Variants in NUP98 observed in about 807,000 individuals in gnomAD.
NUP98 encodes nucleoporin 98 and 96 precursor, also known as nuclear pore complex protein Nup98-Nup96.
Under a neutral mutation model 191.9 loss-of-function variants are expected in NUP98, and 26 were observed. The observed-to-expected ratio is 0.14, with a 90% CI of 0.10 to 0.19. The LOEUF is 0.19. NUP98 is among the 10% of genes least tolerant of loss of function. The pLI, the probability that NUP98 is intolerant of heterozygous loss-of-function variation, is 1.00. For synonymous variants in NUP98, 808 were observed against 778.4 expected (o/e 1.04, Z -0.63); for missense variants, 1,941 against 2,178.8 (o/e 0.89, Z 2.17).
At chr11:3,770,244 G>A (rs1424119949) in intron 7 of NUP98, among the ~76,000 whole-genome samples, 1 of 152,150 alleles carries the variant, frequency 6.6e-6, no homozygotes, top group Non-Finnish European at 1.5e-5. Context: ...TCCTTGGGAG[G>A]CTGAGGCAGA....
chr11:3,749,030 C>T (rs1168463985), intron 11 of NUP98, among the ~76,000 whole-genome samples: 6 of 151,902 alleles, frequency 3.9e-5, no homozygotes, highest in Admixed American at 6.6e-5. Flanking sequence ...TTAAGAGGGC[C>T]GGGCGCGGTG....
intron 10 of NUP98, among the ~76,000 whole-genome samples, chr11:3,754,077 T>C (rs1006539248): frequency 3.3e-5 from 5 of 152,184 alleles, no homozygotes; most frequent in Non-Finnish European, 7.3e-5. Context: ...AAGCTTTCAA[T>C]GCAAGTTTCA....
At chr11:3,692,909 T>C (rs1564810769) in intron 27 of NUP98, 1 of 211,372 alleles carries the variant, frequency 4.7e-6, no homozygotes, top group Non-Finnish European at 9.3e-6. Context: ...TAAAATATTA[T>C]ATTTAGAGGC....
rs913407667 is a variant in NUP98, at chr11:3,773,369, T to G, written c.603+263A>C. On this transcript the variant is annotated intron_variant, in intron 6 of 32. Coordinates refer to ENST00000324932, the MANE Select transcript of NUP98 (RefSeq NM_016320.5). ...GTGATTGTGTCACTGCATTCCAGCC[T>G]GGGCAAAAAAGCCCATCTCAAAAAA... Among the ~76,000 whole-genome samples the G allele has an allele frequency of 8.0e-5, 12 of 150,434 alleles. No homozygotes were observed. The East Asian group carries it at 2.1e-3, about 27-fold the overall frequency.
intron 23 of NUP98, 47 bp downstream of exon 23, chr11:3,702,416 A>G: frequency 6.5e-7 from 1 of 1,534,624 alleles, no homozygotes; most frequent in East Asian, 2.3e-5. Flanking sequence ...AGTTTTTTTC[A>G]CCTATCATGT....
At chr11:3,741,065 G>A (rs921898666) in intron 12 of NUP98, among the ~76,000 whole-genome samples, 241 of 151,084 alleles carry the variant, frequency 1.6e-3, no homozygotes, top group African/African-American at 5.0e-3. Flanking sequence ...CAAGCAATCC[G>A]CCTGCCTCAG....
Position 3,702,721 on chromosome 11 carries a change from G to T in NUP98, c.3254C>A (p.Pro1085His), listed in dbSNP as rs201649853. 1.2e-6 allele frequency: 2 copies of T among 1,614,190 alleles called. No homozygotes were observed. Among genetic ancestry groups the T allele is most frequent in the African/African-American group, 1.3e-5 (1 of 75,044 alleles). Residue 1085 changes from proline (P) to histidine (H), a missense_variant, in exon 23 of 33, where the codon CCT (proline) becomes CAT (histidine). By Grantham distance (77) the Pro-to-His change is moderately conservative. Transcript: ENST00000324932. ...ACCCACTGTTTTCAACGGAACCTCA[G>T]GGGCTGGGCTGGGCATTGTGAACAC... ...TSVFTMPSPAPEVPLKTVGTR... is the reference protein window; with the variant it reads ...TSVFTMPSPAHEVPLKTVGTR...
intron 2 of NUP98, among the ~76,000 whole-genome samples, chr11:3,780,565 A>C (rs1186528873): frequency 1.3e-5 from 2 of 150,494 alleles, no homozygotes; most frequent in Admixed American, 1.3e-4. Flanking sequence ...AAAAAAAAGA[A>C]AAAGAAAAAG....
intron 9 of NUP98, among the ~76,000 whole-genome samples, chr11:3,762,399 G>T (rs2081205259): frequency 6.6e-6 from 1 of 152,024 alleles, no homozygotes. Context: ...TGGGATTACA[G>T]GCGTGAGCCA....
rs996082797 is a variant in NUP98 at position 3,693,314 on chromosome 11, G to C, written c.4229C>G (p.Ser1410Cys). ...NVCSQLDWKR[S>C]LAIHLWYLLP... is the part of the protein sequence containing the mutation. ...CAAATACCAAAGATGGATAGCCAGGGAGCGTTTCCAATCCAACTGGGAGCA... is the reference window on the plus strand; with the variant it reads ...CAAATACCAAAGATGGATAGCCAGGCAGCGTTTCCAATCCAACTGGGAGCA... The change falls in exon 27 of 33, where the codon TCC (serine) becomes TGC (cysteine). Residue 1410 changes from serine to cysteine, a missense_variant. By Grantham distance (112) the Ser-to-Cys change is moderately radical. Transcript: ENST00000324932. The C allele has an allele frequency of 5.0e-6, 8 of 1,614,174 alleles. No homozygotes were observed. The highest frequency in any genetic ancestry group is 6.8e-6 in the Non-Finnish European group (8 of 1,180,040).
chr11:3,685,659 G>A (rs1302846824), intron 29 of NUP98, among the ~76,000 whole-genome samples: 1 of 151,976 alleles, frequency 6.6e-6, no homozygotes, highest in Non-Finnish European at 1.5e-5. Context: ...CAGGTTCTTC[G>A]ACTCTTACCT....
Position 3,700,166 on chromosome 11 carries a change from C to T in NUP98, c.3742+444G>A, listed in dbSNP as rs1371272276. ...GTCAAGAGATCGAGACAATCCTGGC[C>T]AATATGGTGAAACCCTGTCTCTACT... On this transcript the variant is annotated intron_variant, in intron 24 of 32. Transcript: ENST00000324932. Among the ~76,000 whole-genome samples, 3 of 146,532 alleles carry T rather than the reference C, an allele frequency of 2.0e-5. No homozygotes were observed. The East Asian group carries it at 6.1e-4, about 30-fold the overall frequency.
rs113740215 is a variant in NUP98 at position 3,705,130 on chromosome 11, G to C, written c.3082+70C>G. The C allele has an allele frequency of 2.9e-3, 4,333 of 1,484,424 alleles. 114 individuals are homozygous for C. In the African/African-American group the frequency reaches 0.054, roughly 18 times the overall value. 92.0% of individuals were successfully genotyped at this position (1,484,424 alleles called of 1,614,324 possible). On this transcript the variant is annotated intron_variant, in intron 22 of 32. Coordinates refer to ENST00000324932, the MANE Select transcript of NUP98 (RefSeq NM_016320.5). Reference sequence around the variant, plus strand: ...CTAGAGAAGTCCACTTGGGTTAGAAGAAGAAAAGTGAAAAGCAGGACTTGA... The same window carrying C: ...CTAGAGAAGTCCACTTGGGTTAGAACAAGAAAAGTGAAAAGCAGGACTTGA...
chr11:3,706,788 T>C, intron 20 of NUP98, among the ~76,000 whole-genome samples, 161 bp from the exon 21 acceptor site: 1 of 152,204 alleles, frequency 6.6e-6, no homozygotes, highest in East Asian at 1.9e-4. Context: ...TGATTTAAAA[T>C]CAATTACCCC....
chr11:3,756,401 G>T (rs969758273), intron 10 of NUP98, among the ~76,000 whole-genome samples: 8 of 152,176 alleles, frequency 5.3e-5, no homozygotes, highest in African/African-American at 1.7e-4. Flanking sequence ...CTCAGATAAA[G>T]ATGACACCTT....
At chr11:3,778,198 CAAAAAAAA>C (rs71302029) in intron 4 of NUP98, among the ~76,000 whole-genome samples, 3 of 60,514 alleles carry the variant, frequency 5.0e-5, no homozygotes, top group South Asian at 7.4e-4. Context: ...GACTCCATCT[CAAAAAAAA>C]AAAAAAAAAA....
intron 14 of NUP98, among the ~76,000 whole-genome samples, chr11:3,727,974 C>T (rs2079686375): frequency 6.6e-6 from 1 of 152,060 alleles, no homozygotes; most frequent in African/African-American, 2.4e-5. Flanking sequence ...TGAGCTATGA[C>T]AGCGCCACCG....
chr11:3,795,376 G>A (rs1214102679), intron 1 of NUP98, among the ~76,000 whole-genome samples: 1 of 152,168 alleles, frequency 6.6e-6, no homozygotes, highest in Admixed American at 6.5e-5. Context: ...AGCCCAGGAG[G>A]TAGAGGCTAC....
At chr11:3,749,136 G>A (rs1214663329) in intron 11 of NUP98, among the ~76,000 whole-genome samples, 6 of 145,036 alleles carry the variant, frequency 4.1e-5, no homozygotes, top group Admixed American at 2.1e-4. Flanking sequence ...GTGAAACCCC[G>A]TCTCTACTAA....
Sources: gnomAD v4.1 joint callset for allele counts (sites outside exome capture counted in the v4.1 genomes callset) on GRCh38, gnomAD v4.1.1 for gene constraint, MANE v1.5 for transcripts, NCBI Gene and HGNC (gene_info 2026-07-23, HGNC 2026-07-21) for gene names.